SPTLC2: variants seen among roughly 807,000 people sequenced by gnomAD.
SPTLC2 encodes serine palmitoyltransferase long chain base subunit 2.
SPTLC2 carries 21 observed loss-of-function variants against 62.0 expected under a neutral mutation model. The ratio of observed to expected loss-of-function variants is 0.34; its 90% CI spans 0.24 to 0.49. The LOEUF (loss-of-function observed/expected upper bound fraction) is 0.49, where lower values mean the gene tolerates loss of function less well. Among genes scored for constraint, SPTLC2 ranks in the 20% least tolerant of loss-of-function variants. The probability of loss-of-function intolerance (pLI) is 0.99; values close to 1 mark genes in which losing one functional copy is unlikely to be tolerated. For missense variants in SPTLC2, 511 were observed against 713.0 expected, an observed-to-expected ratio of 0.72 and a Z score of 3.23; for synonymous variants, 261 against 261.8, an observed-to-expected ratio of 1.00 and a Z score of 0.03.
chr14:77,571,292 C>T (rs1298463257), intron 4 of SPTLC2, among the ~76,000 whole-genome samples: 1 of 152,112 alleles, frequency 6.6e-6, no homozygotes, highest in East Asian at 1.9e-4. Context: ...GGGCGGATCA[C>T]CTAAGGTCAG....
chr14:77,602,628 C>T (rs1218627536), intron 1 of SPTLC2, among the ~76,000 whole-genome samples: 1 of 151,712 alleles, frequency 6.6e-6, no homozygotes, highest in Non-Finnish European at 1.5e-5. Flanking sequence ...TGGCTTACTG[C>T]AGCCTCTACC....
chr14:77,565,944 G>A (rs1459599462), intron 5 of SPTLC2, among the ~76,000 whole-genome samples: 1 of 151,412 alleles, frequency 6.6e-6, no homozygotes, highest in African/African-American at 2.4e-5. Flanking sequence ...TCAAAAAAGT[G>A]TTAAAATTGA....
intron 1 of SPTLC2, among the ~76,000 whole-genome samples, chr14:77,610,691 G>A (rs1341244713): frequency 6.6e-6 from 1 of 151,950 alleles, no homozygotes; most frequent in Non-Finnish European, 1.5e-5. Context: ...TGCTACAGTG[G>A]CTGTAATCCC....
chr14:77,525,013 A>C (rs1358959190), intron 9 of SPTLC2, among the ~76,000 whole-genome samples: 1 of 152,232 alleles, frequency 6.6e-6, no homozygotes, highest in African/African-American at 2.4e-5. Flanking sequence ...TTCTAAACAC[A>C]CAGAAATGAT....
chr14:77,555,547 T>TAC (rs2079578622), intron 7 of SPTLC2, 28 bp from the exon 8 acceptor site: 2 of 1,593,092 alleles, frequency 1.3e-6, no homozygotes, highest in Non-Finnish European at 1.7e-6. Context: ...AATATATATA[T>TAC]ACACATATAC....
At chr14:77,518,794 C>T (rs1385662896) in intron 10 of SPTLC2, among the ~76,000 whole-genome samples, 3 of 152,156 alleles carry the variant, frequency 2.0e-5, no homozygotes, top group Non-Finnish European at 4.4e-5. Flanking sequence ...GGCTGACTGG[C>T]ATGAGCTCTC....
rs887256226 is a variant in SPTLC2 at position 77,508,739 on chromosome 14, G to A, written c.*3545C>T. On this transcript the variant is annotated 3_prime_UTR_variant, in exon 12 of 12. Transcript: ENST00000216484. Reference sequence around the variant, plus strand: ...TTAGATGCAGGCTCCCTTAGGTAATGAAGAAATTTGAAAAAAAATTTTTTT... The same window carrying A: ...TTAGATGCAGGCTCCCTTAGGTAATAAAGAAATTTGAAAAAAAATTTTTTT... The A allele has an allele frequency of 1.3e-5, 2 of 152,078 alleles. No individual in the cohort carries two copies. Among genetic ancestry groups the A allele is most frequent in the African/African-American group, 4.8e-5 (2 of 41,394 alleles). 9.4% of individuals were successfully genotyped at this position (152,078 alleles called of 1,614,324 possible).
rs566979263 is a variant in SPTLC2, at chr14:77,591,911, G to T, written c.327+5275C>A. The stretch of plus-strand genomic sequence containing the variant: ...AGATAATTCTTGTATTTTTAGTAGA[G>T]ACCGGGTTTCACCATGTTGGTCAGG... On this transcript the variant is annotated intron_variant, in intron 2 of 11. Transcript: ENST00000216484. Among the ~76,000 whole-genome samples, 41 of 151,992 alleles carry T rather than the reference G, an allele frequency of 2.7e-4. 1 individual carries two copies. Among genetic ancestry groups the T allele is most frequent in the Admixed American group, 2.5e-3 (38 of 15,230 alleles).
chr14:77,559,139 G>A (rs2079601248), intron 6 of SPTLC2, among the ~76,000 whole-genome samples: 1 of 152,004 alleles, frequency 6.6e-6, no homozygotes, highest in Non-Finnish European at 1.5e-5. Context: ...GACCAACATG[G>A]CAAAACCCTG....
intron 9 of SPTLC2, among the ~76,000 whole-genome samples, chr14:77,546,328 A>G (rs935130087): frequency 6.6e-6 from 1 of 152,262 alleles, no homozygotes; most frequent in Non-Finnish European, 1.5e-5. Context: ...TGCTTTAAAA[A>G]ATAATCAAGA....
At chr14:77,570,579 A>G in intron 4 of SPTLC2, 71 bp from the exon 5 acceptor site, 1 of 1,539,920 alleles carries the variant, frequency 6.5e-7, no homozygotes, top group Non-Finnish European at 8.9e-7. Flanking sequence ...ACTTTATTAA[A>G]AGAAATCATA....
In SPTLC2 at chr14:77,576,825, T is replaced by C. The variant is rs1566785477; in HGVS notation, c.573A>G (p.Ala191=). 6.2e-7 allele frequency: 1 copy of C among 1,614,230 alleles called. No individual in the cohort carries two copies. The highest frequency in any genetic ancestry group is 1.7e-5 in the Admixed American group (1 of 60,028). ...CATACTCCTCAAGGACTTTGGCGGC[T>C]GCTTCTTGACATGATCCAGTATTCC... ...FARNTGSCQE[A]AAKVLEEYGA... is the part of the protein sequence containing the mutation. Residue 191 remains alanine, a synonymous_variant, in exon 4 of 12, where the codon GCA becomes GCG. Transcript: ENST00000216484.
At chr14:77,550,483 G>A (rs2079550114) in intron 9 of SPTLC2, among the ~76,000 whole-genome samples, 2 of 152,068 alleles carry the variant, frequency 1.3e-5, no homozygotes, top group Admixed American at 6.6e-5. Context: ...GCTGAGGCAG[G>A]AGAATCGCTT....
In SPTLC2 at chr14:77,614,284, A is replaced by G. The variant is rs541460046; in HGVS notation, c.132+2164T>C. ...CCTTGATTTCCTACTAAATCTGAACATAACTCATAGGGATTGAAAGAAGCA... is the reference window on the plus strand; with the variant it reads ...CCTTGATTTCCTACTAAATCTGAACGTAACTCATAGGGATTGAAAGAAGCA... On this transcript the variant is annotated intron_variant, in intron 1 of 11. Transcript: ENST00000216484. Among the ~76,000 whole-genome samples the G allele has an allele frequency of 3.9e-5, 6 of 152,368 alleles. No individual in the cohort carries two copies. In the East Asian group the frequency reaches 1.2e-3, roughly 29 times the overall value.
In SPTLC2 at chr14:77,516,358, A is replaced by G. The variant is rs1037701088; in HGVS notation, c.1569+1680T>C. On this transcript the variant is annotated intron_variant, in intron 11 of 11. Transcript: ENST00000216484. The stretch of plus-strand genomic sequence containing the variant: ...TCTAAATTCTTTCATGAATGTGTAC[A>G]GTTCTCAGAAGTCAAAGTTGTGGTC... 3.9e-5 allele frequency among the ~76,000 whole-genome samples: 6 copies of G among 152,240 alleles called. No homozygotes were observed. The East Asian group carries it at 9.6e-4, about 24-fold the overall frequency.
intron 11 of SPTLC2, among the ~76,000 whole-genome samples, chr14:77,516,005 T>C (rs111289394): frequency 4.1e-4 from 8 of 19,662 alleles, no homozygotes; most frequent in South Asian, 0.013. Flanking sequence ...TGTGTGTGTG[T>C]GCGCGCGCGC....
intron 6 of SPTLC2, among the ~76,000 whole-genome samples, chr14:77,561,193 G>T (rs1297496801): frequency 6.6e-6 from 1 of 152,128 alleles, no homozygotes; most frequent in Non-Finnish European, 1.5e-5. Flanking sequence ...GAAAAATTTA[G>T]AAACAGCCCC....
At position 77,570,493 on chromosome 14, in the gene SPTLC2, T is replaced by C; in HGVS notation, c.647A>G (p.His216Arg). The change falls in exon 5 of 12, where the codon CAT becomes CGT. Residue 216 changes from histidine to arginine, a missense_variant. Transcript: ENST00000216484. ...TGCTACAAGCTCCTCTAGTTCTTCA[T>C]GCTTGTCCAGGTTTCCTGTGTGAAG... ...TRQEIGNLDK[H>R]EELEELVARF... is the part of the protein sequence containing the mutation. The C allele has an allele frequency of 6.2e-7, 1 of 1,613,968 alleles. No homozygotes were observed. Among genetic ancestry groups the C allele is most frequent in the Non-Finnish European group, 8.5e-7 (1 of 1,179,982 alleles).
At chr14:77,614,834 G>A (rs917209384) in intron 1 of SPTLC2, among the ~76,000 whole-genome samples, 1 of 151,368 alleles carries the variant, frequency 6.6e-6, no homozygotes, top group African/African-American at 2.4e-5. Flanking sequence ...AGCCGGGCGT[G>A]ATGACGGGCG....
Sources: gnomAD v4.1 joint callset for allele counts (sites outside exome capture counted in the v4.1 genomes callset) on GRCh38, gnomAD v4.1.1 for gene constraint, MANE v1.5 for transcripts, NCBI Gene and HGNC (gene_info 2026-07-23, HGNC 2026-07-21) for gene names.